GRIK4: variants seen among roughly 807,000 people sequenced by gnomAD.
GRIK4 encodes the protein glutamate ionotropic receptor kainate type subunit 4.
In GRIK4, 40 loss-of-function variants were observed where a neutral mutation model predicts 104.9. The ratio of observed to expected loss-of-function variants is 0.38; its 90% CI spans 0.30 to 0.50. The LOEUF is 0.50. GRIK4 is among the 20% of genes least tolerant of loss of function. The probability of loss-of-function intolerance (pLI) is 0.93; values close to 1 mark genes in which losing one functional copy is unlikely to be tolerated. For missense variants in GRIK4, 1,047 were observed against 1,308.1 expected (o/e 0.80, Z 3.08); for synonymous variants, 485 against 524.9 (o/e 0.92, Z 1.04).
chr11:120,933,641 T>TAC (rs145672766), intron 13 of GRIK4, among the ~76,000 whole-genome samples: 1,684 of 152,316 alleles, frequency 0.011, 23 homozygotes, highest in African/African-American at 0.038. Context: ...CCCTTATTGA[T>TAC]ATGGCAGCGC....
At position 120,952,822 on chromosome 11, in the gene GRIK4, T is replaced by C. The variant is rs1225853467; in HGVS notation, c.1591-33T>C. 7.0e-7 allele frequency: 1 copy of C among 1,436,854 alleles called. No homozygotes were observed. The highest frequency in any genetic ancestry group is 1.7e-5 in the Admixed American group (1 of 59,758). The allele number at this position is 1,436,854 out of a possible 1,614,324, so 89.0% of individuals were successfully genotyped here. The stretch of plus-strand genomic sequence containing the variant: ...CCCAAGGTCATGTTGACTGAATATG[T>C]GCGGTGAATCTTGTTTTTCTCTCCA... On this transcript the variant is annotated intron_variant, in intron 14 of 20. Transcript: ENST00000527524. This position sits in a 1 kb window ranked among gnomAD's most constrained non-coding sequence, Gnocchi z 5.2.
Position 120,902,033 on chromosome 11 carries a change from C to T in GRIK4, c.1273-3257C>T, listed in dbSNP as rs916241860. ...ATTCGATAGCTCTTACCAGGAATGA[C>T]GATCTTAATTCAGTTCCCAGGTGAC... On this transcript the variant is annotated intron_variant, in intron 12 of 20. Transcript: ENST00000527524. This position sits in a 1 kb window ranked among gnomAD's most constrained non-coding sequence, Gnocchi z 4.5. Among the ~76,000 whole-genome samples the T allele has an allele frequency of 1.3e-5, 2 of 152,168 alleles. No individual in the cohort carries two copies. The highest frequency in any genetic ancestry group is 2.4e-5 in the African/African-American group (1 of 41,424).
At chr11:120,604,750 A>C (rs981931240) in intron 1 of GRIK4, among the ~76,000 whole-genome samples, 2 of 152,238 alleles carry the variant, frequency 1.3e-5, no homozygotes, top group African/African-American at 4.8e-5. Context: ...GTGGTTCCCA[A>C]ATCTGCCTCT....
chr11:120,871,045 G>T lies in GRIK4; in HGVS notation c.907-3021G>T, dbSNP rs550415118. On this transcript the variant is annotated intron_variant, in intron 9 of 20. Transcript: ENST00000527524. ...TTACAGGCATGAGCCACTGCGCCCGGCCGGATGAGTTGTCTTCTAGAATTT... is the reference window on the plus strand; with the variant it reads ...TTACAGGCATGAGCCACTGCGCCCGTCCGGATGAGTTGTCTTCTAGAATTT... The T allele has an allele frequency of 6.5e-5, 10 of 154,752 alleles. No individual in the cohort carries two copies. The East Asian group carries it at 1.9e-3, about 29-fold the overall frequency. The allele number at this position is 154,752 out of a possible 1,614,324, so 9.6% of individuals were successfully genotyped here. A position where few individuals can be genotyped will look rare whatever the true frequency, so the allele number is the denominator to read the frequency against.
At chr11:120,652,195 AG>A (rs1221676075) in intron 1 of GRIK4, among the ~76,000 whole-genome samples, 1 of 152,244 alleles carries the variant, frequency 6.6e-6, no homozygotes, top group African/African-American at 2.4e-5. Flanking sequence ...TATTCAATAA[AG>A]ATTATATTAT....
At chr11:120,916,685 T>C (rs1050027812) in intron 13 of GRIK4, among the ~76,000 whole-genome samples, 5 of 152,230 alleles carry the variant, frequency 3.3e-5, no homozygotes, top group African/African-American at 1.2e-4. Context: ...GTCAAAACTT[T>C]GTTTCATGAA....
rs1198804007 is a variant in GRIK4, at chr11:120,986,481, AAAGGACGGCCCTCCCTCCTGGGCAC to A, written c.*228_*252del. 3.3e-5 allele frequency: 19 copies of A among 580,554 alleles called. No individual in the cohort carries two copies. The highest frequency in any genetic ancestry group is 8.0e-5 in the African/African-American group (4 of 49,884). 36.0% of individuals were successfully genotyped at this position (580,554 alleles called of 1,614,324 possible). A position where few individuals can be genotyped will look rare whatever the true frequency, so the allele number is the denominator to read the frequency against. ...CCCGGAAACGTTGCACCCAAAGGGCAAAGGACGGCCCTCCCTCCTGGGCACAAGGACCCATCTTCTCCCAGTGGGT... is the reference window on the plus strand; with the variant it reads ...CCCGGAAACGTTGCACCCAAAGGGCAAAGGACCCATCTTCTCCCAGTGGGT... On this transcript the variant is annotated 3_prime_UTR_variant, in exon 21 of 21. Coordinates refer to ENST00000527524, the MANE Select transcript of GRIK4 (RefSeq NM_014619.5).
At chr11:120,839,316 C>T (rs976557376) in intron 8 of GRIK4, among the ~76,000 whole-genome samples, 7 of 152,134 alleles carry the variant, frequency 4.6e-5, no homozygotes, top group Non-Finnish European at 8.8e-5. Context: ...GCATGGTGAA[C>T]GGGAAAGGCA....
chr11:120,943,345 G>C (rs776697806), intron 14 of GRIK4, among the ~76,000 whole-genome samples: 31 of 152,280 alleles, frequency 2.0e-4, no homozygotes, highest in Admixed American at 5.9e-4. Context: ...AGTGCATTCT[G>C]TGTGTGAGAC....
intron 3 of GRIK4, among the ~76,000 whole-genome samples, chr11:120,732,606 C>T (rs1313249007): frequency 3.9e-5 from 6 of 152,048 alleles, no homozygotes; most frequent in Admixed American, 6.6e-5. Context: ...TTTCATCATT[C>T]GGGAGCATAT....
intron 13 of GRIK4, among the ~76,000 whole-genome samples, chr11:120,929,053 G>A (rs1484430926): frequency 2.0e-5 from 3 of 151,996 alleles, no homozygotes; most frequent in African/African-American, 7.3e-5. Context: ...CTGTGTGTTG[G>A]CACAGGTGAA....
intron 3 of GRIK4, among the ~76,000 whole-genome samples, chr11:120,785,814 G>A (rs1003439773): frequency 2.6e-5 from 4 of 152,148 alleles, no homozygotes; most frequent in Admixed American, 2.6e-4. Flanking sequence ...GCGTCTCCAT[G>A]CGCATCCTCC....
At chr11:120,914,612 G>A (rs193244190) in intron 13 of GRIK4, among the ~76,000 whole-genome samples, 4 of 152,298 alleles carry the variant, frequency 2.6e-5, no homozygotes, top group East Asian at 1.9e-4. Flanking sequence ...CTGCAGTGCC[G>A]TTGGTTCTGG....
chr11:120,849,148 C>A (rs1307492127), intron 8 of GRIK4, among the ~76,000 whole-genome samples: 2 of 152,046 alleles, frequency 1.3e-5, no homozygotes, highest in African/African-American at 4.8e-5. Flanking sequence ...TTGCTTGTAT[C>A]TGCCCCCAAC....
intron 3 of GRIK4, among the ~76,000 whole-genome samples, chr11:120,673,110 CTGCTT>C (rs1349540223): frequency 2.0e-5 from 3 of 152,190 alleles, no homozygotes; most frequent in African/African-American, 4.8e-5. Context: ...TCCTTCTTCT[CTGCTT>C]TATTTTTCTA....
rs1187192535 is a variant in GRIK4, at chr11:120,902,399, T to C, written c.1273-2891T>C. Among the ~76,000 whole-genome samples, 3 of 152,186 alleles carry C rather than the reference T, an allele frequency of 2.0e-5. No individual in the cohort carries two copies. In the East Asian group the frequency reaches 5.8e-4, roughly 29 times the overall value. ...TCCAACGCGTCTCCAAGACCGGCCT[T>C]GTGTCTGTTCACTTTGAATATGTCA... On this transcript the variant is annotated intron_variant, in intron 12 of 20. Coordinates refer to ENST00000527524, the MANE Select transcript of GRIK4 (RefSeq NM_014619.5). This position sits in a 1 kb window ranked among gnomAD's most constrained non-coding sequence, Gnocchi z 4.5.
rs780432041 is a variant in GRIK4 at position 120,902,485 on chromosome 11, T to G, written c.1273-2805T>G. Among the ~76,000 whole-genome samples, 2 of 152,132 alleles carry G rather than the reference T, an allele frequency of 1.3e-5. No homozygotes were observed. Among genetic ancestry groups the G allele is most frequent in the Non-Finnish European group, 2.9e-5 (2 of 68,012 alleles). Reference sequence around the variant, plus strand: ...TGGGGAGAAGAATTTGTGACACCCCTTGGGACAATCAAAGATACAATGGGA... The same window carrying G: ...TGGGGAGAAGAATTTGTGACACCCCGTGGGACAATCAAAGATACAATGGGA... On this transcript the variant is annotated intron_variant, in intron 12 of 20. Coordinates refer to ENST00000527524, the MANE Select transcript of GRIK4 (RefSeq NM_014619.5). This position sits in a 1 kb window ranked among gnomAD's most constrained non-coding sequence, Gnocchi z 4.5.
chr11:120,871,413 A>T (rs1254550567), intron 9 of GRIK4: 1 of 352,898 alleles, frequency 2.8e-6, no homozygotes, highest in Non-Finnish European at 5.6e-6. Context: ...GAAGGAGCTG[A>T]GGGCAAAGGG....
intron 2 of GRIK4, among the ~76,000 whole-genome samples, chr11:120,657,015 A>G (rs992032105): frequency 2.0e-5 from 3 of 152,214 alleles, no homozygotes; most frequent in African/African-American, 7.2e-5. Flanking sequence ...ATTATGGTGC[A>G]GCATGCTGAT....
Sources: gnomAD v4.1 joint callset for allele counts (sites outside exome capture counted in the v4.1 genomes callset) on GRCh38, gnomAD v4.1.1 for gene constraint, Gnocchi (gnomAD v3.1) non-coding constraint, MANE v1.5 for transcripts, NCBI Gene and HGNC (gene_info 2026-07-23, HGNC 2026-07-21) for gene names.